COX7B2: variants seen among roughly 807,000 people sequenced by gnomAD.
The protein encoded by COX7B2 is cytochrome c oxidase subunit 7B2, mitochondrial.
For synonymous variants in COX7B2, 37 were observed against 32.1 expected, an observed-to-expected ratio of 1.15 and a Z score of -0.51; for missense variants, 109 against 95.9, an observed-to-expected ratio of 1.14 and a Z score of -0.57.
intron 2 of COX7B2, among the ~76,000 whole-genome samples, chr4:46,797,271 T>A (rs1443861930): frequency 6.6e-6 from 1 of 152,048 alleles, no homozygotes; most frequent in Non-Finnish European, 1.5e-5. Context: ...TAAGACCTTT[T>A]GGGAACTACT....
intron 2 of COX7B2, among the ~76,000 whole-genome samples, chr4:46,826,016 A>G (rs931940160): frequency 7.2e-5 from 11 of 152,242 alleles, no homozygotes; most frequent in Non-Finnish European, 5.9e-5. Flanking sequence ...AACAAAAGCA[A>G]AAACTAACAA....
At chr4:46,739,348 A>C (rs369316663) in intron 2 of COX7B2, among the ~76,000 whole-genome samples, 539 of 148,358 alleles carry the variant, frequency 3.6e-3, no homozygotes, top group East Asian at 0.012. Context: ...CCAAACCAAA[A>C]CAAAACAAAA....
intron 2 of COX7B2, among the ~76,000 whole-genome samples, chr4:46,770,584 T>G (rs1446763523): frequency 6.6e-6 from 1 of 152,006 alleles, no homozygotes; most frequent in Non-Finnish European, 1.5e-5. Flanking sequence ...ACCATAAAGG[T>G]CTACTAATCA....
rs537125014 is a variant in COX7B2, at chr4:46,866,019, T to C, written c.-104-21005A>G. ...CTCCAGTGATCTAATGACACTATCT[T>C]TTGCATCCATTGCTGTGTTAATGAC... On this transcript the variant is annotated intron_variant, in intron 1 of 2. Coordinates refer to ENST00000355591, the MANE Select transcript of COX7B2 (RefSeq NM_130902.3). 3.3e-5 allele frequency among the ~76,000 whole-genome samples: 5 copies of C among 152,260 alleles called. No individual in the cohort carries two copies. The South Asian group carries it at 1.0e-3, about 32-fold the overall frequency.
At chr4:46,801,659 C>A (rs1419459579) in intron 2 of COX7B2, among the ~76,000 whole-genome samples, 1 of 152,092 alleles carries the variant, frequency 6.6e-6, no homozygotes, top group African/African-American at 2.4e-5. Flanking sequence ...TAAACCAGAT[C>A]CCAGCAACAT....
At chr4:46,804,134 G>A (rs1022739069) in intron 2 of COX7B2, among the ~76,000 whole-genome samples, 4 of 152,146 alleles carry the variant, frequency 2.6e-5, no homozygotes, top group South Asian at 2.1e-4. Context: ...TTAAGGCGGC[G>A]CGTCTGGAGT....
In COX7B2 at chr4:46,804,869, G is replaced by A. The variant is rs536455445; in HGVS notation, c.-50+40091C>T. On this transcript the variant is annotated intron_variant, in intron 2 of 2. Transcript: ENST00000355591. The stretch of plus-strand genomic sequence containing the variant: ...TGGGTGGTTGATGGGACTGGGCACC[G>A]TGGAGCAGGGGGCTGTGCACGTCGG... 7.2e-5 allele frequency among the ~76,000 whole-genome samples: 11 copies of A among 152,332 alleles called. No homozygotes were observed. The South Asian group carries it at 1.4e-3, about 20-fold the overall frequency.
chr4:46,803,560 T>C (rs1444325551), intron 2 of COX7B2, among the ~76,000 whole-genome samples: 2 of 152,142 alleles, frequency 1.3e-5, no homozygotes, highest in East Asian at 1.9e-4. Flanking sequence ...AACTATGTAA[T>C]TATATGCTTA....
intron 1 of COX7B2, among the ~76,000 whole-genome samples, chr4:46,871,533 A>G (rs1176863145): frequency 3.3e-5 from 5 of 152,270 alleles, no homozygotes; most frequent in South Asian, 2.1e-4. Flanking sequence ...AAAGCAAACT[A>G]TCAACAGAGT....
chr4:46,906,631 T>C (rs935133784), intron 1 of COX7B2, among the ~76,000 whole-genome samples: 6 of 152,340 alleles, frequency 3.9e-5, no homozygotes, highest in African/African-American at 1.4e-4. Flanking sequence ...CATTAGTTTT[T>C]TTCTAACATA....
intron 1 of COX7B2, among the ~76,000 whole-genome samples, chr4:46,846,486 T>C (rs1263626212): frequency 2.0e-5 from 3 of 151,948 alleles, no homozygotes; most frequent in African/African-American, 7.2e-5. Context: ...AGGACTCATC[T>C]GTAATGTTTC....
intron 2 of COX7B2, among the ~76,000 whole-genome samples, chr4:46,763,426 G>A (rs954913467): frequency 3.3e-5 from 5 of 151,442 alleles, no homozygotes; most frequent in Non-Finnish European, 7.4e-5. Flanking sequence ...TGGTGATCCA[G>A]CTGTTTGAGT....
Position 46,842,301 on chromosome 4 carries a change from G to C in COX7B2, c.-50+2659C>G, listed in dbSNP as rs117824510. On this transcript the variant is annotated intron_variant, in intron 2 of 2. Coordinates refer to ENST00000355591, the MANE Select transcript of COX7B2 (RefSeq NM_130902.3). ...TTGCTTTCCTCTATGTGCAGTGGGG[G>C]ATTATTTGACAGTAATGACAAATGA... Among the ~76,000 whole-genome samples the C allele has an allele frequency of 1.5e-3, 221 of 152,080 alleles. 2 individuals are homozygous for C. In the East Asian group the frequency reaches 0.023, roughly 16 times the overall value.
intron 2 of COX7B2, among the ~76,000 whole-genome samples, chr4:46,817,919 TG>T (rs757922911): frequency 3.9e-5 from 6 of 152,220 alleles, no homozygotes; most frequent in Non-Finnish European, 8.8e-5. Context: ...AATAAATCTT[TG>T]AACCTACGCA....
At chr4:46,740,337 A>T (rs1317928838) in intron 2 of COX7B2, among the ~76,000 whole-genome samples, 2 of 152,156 alleles carry the variant, frequency 1.3e-5, no homozygotes, top group East Asian at 3.9e-4. Flanking sequence ...TTAACATGAC[A>T]AATTTGATCT....
chr4:46,768,723 A>G (rs951262377), intron 2 of COX7B2, among the ~76,000 whole-genome samples: 1 of 152,212 alleles, frequency 6.6e-6, no homozygotes, highest in Non-Finnish European at 1.5e-5. Flanking sequence ...AGAATGAATG[A>G]AATAATAAAG....
At chr4:46,786,062 T>G (rs994015329) in intron 2 of COX7B2, among the ~76,000 whole-genome samples, 5 of 152,044 alleles carry the variant, frequency 3.3e-5, no homozygotes, top group Admixed American at 2.0e-4. Flanking sequence ...TTTATTTTCA[T>G]GGTTAAAAGA....
intron 1 of COX7B2, among the ~76,000 whole-genome samples, chr4:46,891,199 G>C (rs1332037769): frequency 6.6e-6 from 1 of 152,142 alleles, no homozygotes; most frequent in Non-Finnish European, 1.5e-5. Flanking sequence ...AACAGATTTG[G>C]CAGATCAAGA....
intron 2 of COX7B2, among the ~76,000 whole-genome samples, chr4:46,776,844 A>T (rs1351373570): frequency 6.6e-6 from 1 of 152,140 alleles, no homozygotes; most frequent in Admixed American, 6.5e-5. Flanking sequence ...TATCCCAGAG[A>T]TTCAGGGCTT....
Sources: allele counts gnomAD v4.1 joint callset (sites outside exome capture counted in the v4.1 genomes callset), GRCh38; gene constraint gnomAD v4.1.1; transcripts MANE v1.5; gene names NCBI Gene and HGNC (gene_info 2026-07-23, HGNC 2026-07-21).